UBTD2: variants seen among roughly 807,000 people sequenced by gnomAD.
The protein encoded by UBTD2 is ubiquitin domain containing 2, also known as ubiquitin domain-containing protein 2.
In UBTD2, 9 loss-of-function variants were observed where a neutral mutation model predicts 19.8. The ratio of observed to expected loss-of-function variants is 0.46; its 90% CI spans 0.27 to 0.79. The LOEUF (loss-of-function observed/expected upper bound fraction) is 0.79. Among genes scored for constraint, UBTD2 ranks in the 30% least tolerant of loss-of-function variants. The probability of loss-of-function intolerance (pLI) is 0.14; values close to 1 mark genes in which losing one functional copy is unlikely to be tolerated. For missense variants in UBTD2, 250 were observed against 300.4 expected (o/e 0.83, Z 1.24); for synonymous variants, 98 against 103.9 (o/e 0.94, Z 0.35).
intron 1 of UBTD2, among the ~76,000 whole-genome samples, chr5:172,241,326 T>G (rs182869870): frequency 6.6e-6 from 1 of 151,712 alleles, no homozygotes; most frequent in African/African-American, 2.4e-5. Flanking sequence ...GGAAAATCGC[T>G]TGAACCCTGG....
chr5:172,244,438 A>C (rs572542548), intron 1 of UBTD2, among the ~76,000 whole-genome samples: 2 of 151,864 alleles, frequency 1.3e-5, no homozygotes, highest in Non-Finnish European at 2.9e-5. Context: ...CTGGGATTAC[A>C]GGCATGCGCC....
chr5:172,266,513 T>C (rs1755377789), intron 1 of UBTD2, among the ~76,000 whole-genome samples: 1 of 152,194 alleles, frequency 6.6e-6, no homozygotes, highest in Admixed American at 6.5e-5. Flanking sequence ...ACCGGCCCCT[T>C]TTCCATGAAG....
Position 172,211,974 on chromosome 5 carries a change from C to T in UBTD2, c.561G>A (p.Val187=), listed in dbSNP as rs1374372090. The T allele has an allele frequency of 6.2e-7, 1 of 1,614,182 alleles. No homozygotes were observed. The change falls in exon 3 of 3, where the codon GTG becomes GTA. Residue 187 remains valine, a synonymous_variant. Coordinates refer to ENST00000393792, the MANE Select transcript of UBTD2 (RefSeq NM_152277.3). ...AAAACCACCGCTGACTACCTGGTTC[C>T]ACTCCCTCTGCTGCATGCAACCGTC... ...MKRRLHAAEG[V]EPGSQRWFFS... is the part of the protein sequence containing the mutation.
At chr5:172,280,524 A>AG (rs1479992207) in intron 1 of UBTD2, among the ~76,000 whole-genome samples, 2 of 151,558 alleles carry the variant, frequency 1.3e-5, no homozygotes, top group African/African-American at 4.8e-5. Context: ...AAAAAAAAAA[A>AG]AAAAACCAGC....
chr5:172,223,918 A>G (rs926676915), intron 2 of UBTD2, among the ~76,000 whole-genome samples: 4 of 152,144 alleles, frequency 2.6e-5, no homozygotes, highest in Admixed American at 6.5e-5. Context: ...GAAATGAATC[A>G]CAAGGAGCAA....
At chr5:172,266,547 G>A (rs545838385) in intron 1 of UBTD2, among the ~76,000 whole-genome samples, 6 of 152,170 alleles carry the variant, frequency 3.9e-5, no homozygotes, top group African/African-American at 4.8e-5. Context: ...AATTTCCTAC[G>A]GTTAAACATA....
intron 2 of UBTD2, among the ~76,000 whole-genome samples, chr5:172,216,188 C>G (rs141638291): frequency 6.6e-6 from 1 of 151,222 alleles, no homozygotes; most frequent in Non-Finnish European, 1.5e-5. Context: ...AACAAATAAA[C>G]AACAACTACA....
At chr5:172,243,029 C>T (rs989540550) in intron 1 of UBTD2, among the ~76,000 whole-genome samples, 7 of 151,898 alleles carry the variant, frequency 4.6e-5, no homozygotes, top group Admixed American at 1.3e-4. Context: ...GGTCTCACTA[C>T]GTTACCGAAT....
upstream of UBTD2, chr5:172,283,810 C>T (rs1403422173): frequency 9.2e-5 from 33 of 359,642 alleles, no homozygotes; most frequent in Middle Eastern, 3.6e-3. The surrounding 1 kb of genome is among the most constrained non-coding windows in gnomAD (Gnocchi z 4.3). Context: ...CTCCGCCCCC[C>T]TCGCCGCTCC....
chr5:172,247,501 CAAAT>C (rs1306706995), intron 1 of UBTD2, among the ~76,000 whole-genome samples: 1 of 151,920 alleles, frequency 6.6e-6, no homozygotes, highest in African/African-American at 2.4e-5. Flanking sequence ...AACACTTTCT[CAAAT>C]AAACAAACAA....
At chr5:172,230,209 C>A (rs1025067087) in intron 2 of UBTD2, among the ~76,000 whole-genome samples, 1 of 152,134 alleles carries the variant, frequency 6.6e-6, no homozygotes, top group Non-Finnish European at 1.5e-5. Flanking sequence ...TCTTACTCTC[C>A]CCATTGCCAC....
At chr5:172,256,638 C>T (rs984478977) in intron 1 of UBTD2, among the ~76,000 whole-genome samples, 4 of 151,088 alleles carry the variant, frequency 2.6e-5, no homozygotes, top group East Asian at 1.9e-4. Flanking sequence ...TTTCTAAAAG[C>T]GGCCAGGCGA....
At chr5:172,269,274 AAGGTT>A (rs1289940739) in intron 1 of UBTD2, among the ~76,000 whole-genome samples, 3 of 151,586 alleles carry the variant, frequency 2.0e-5, no homozygotes, top group African/African-American at 7.3e-5. Flanking sequence ...TGGATCATTT[AAGGTT>A]AGGAGTTGGA....
chr5:172,260,494 G>T (rs1042582710), intron 1 of UBTD2, among the ~76,000 whole-genome samples: 1 of 139,454 alleles, frequency 7.2e-6, no homozygotes, highest in African/African-American at 2.7e-5. Context: ...TTTCACTTAC[G>T]TGCTTGCCTT....
intron 1 of UBTD2, among the ~76,000 whole-genome samples, chr5:172,263,153 A>G (rs866143351): frequency 9.9e-5 from 15 of 151,208 alleles, no homozygotes; most frequent in African/African-American, 3.2e-4. Flanking sequence ...CTGGTCTTGA[A>G]CTCCTGAGCT....
intron 1 of UBTD2, among the ~76,000 whole-genome samples, chr5:172,257,441 A>C (rs1231324245): frequency 6.6e-6 from 1 of 152,208 alleles, no homozygotes; most frequent in Non-Finnish European, 1.5e-5. Context: ...GTATATGATA[A>C]ACATCCACAC....
chr5:172,252,668 C>T (rs927052350), intron 1 of UBTD2, among the ~76,000 whole-genome samples: 1 of 152,090 alleles, frequency 6.6e-6, no homozygotes, highest in Non-Finnish European at 1.5e-5. Context: ...GTTTCCTCTG[C>T]TTGAGAAATT....
At chr5:172,257,011 G>A (rs189842031) in intron 1 of UBTD2, among the ~76,000 whole-genome samples, 4 of 152,074 alleles carry the variant, frequency 2.6e-5, no homozygotes, top group South Asian at 2.1e-4. Flanking sequence ...TTTTAGGTTC[G>A]GAGGTATATG....
At chr5:172,255,188 TGA>T in intron 1 of UBTD2, 2 of 449,210 alleles carry the variant, frequency 4.5e-6, no homozygotes, top group Non-Finnish European at 4.4e-6. Context: ...GATAGGAACT[TGA>T]GAGAGGGGTG....
Sources: allele counts gnomAD v4.1 joint callset (sites outside exome capture counted in the v4.1 genomes callset), GRCh38; gene constraint gnomAD v4.1.1; non-coding constraint Gnocchi (gnomAD v3.1); transcripts MANE v1.5; gene names NCBI Gene and HGNC (gene_info 2026-07-23, HGNC 2026-07-21).